PACRG: variants seen among roughly 807,000 people sequenced by gnomAD.
PACRG encodes parkin coregulated gene protein.
A neutral mutation model predicts 29.7 loss-of-function variants in PACRG; 29 were observed. The observed-to-expected ratio is 0.98, with a 90% CI of 0.73 to 1.33. The LOEUF is 1.33. Ranked by LOEUF, PACRG falls within the 40% of genes most tolerant of loss-of-function variation. PACRG has a pLI of 0.00. For missense variants in PACRG, 279 were observed against 316.2 expected (o/e 0.88, Z 0.89); for synonymous variants, 116 against 118.7 (o/e 0.98, Z 0.15).
chr6:162,783,982 C>T (rs944975279), intron 1 of PACRG, among the ~76,000 whole-genome samples: 5 of 151,994 alleles, frequency 3.3e-5, no homozygotes, highest in African/African-American at 1.2e-4. Context: ...ACATTTTACT[C>T]TTATGAATTG....
chr6:162,965,481 C>T (rs972652573), intron 2 of PACRG, among the ~76,000 whole-genome samples: 15 of 152,212 alleles, frequency 9.9e-5, no homozygotes, highest in African/African-American at 3.6e-4. Flanking sequence ...TATCTGTCTT[C>T]ACATAGTAGA....
At chr6:162,824,673 T>G (rs1788128250) in intron 2 of PACRG, among the ~76,000 whole-genome samples, 1 of 152,178 alleles carries the variant, frequency 6.6e-6, no homozygotes, top group Non-Finnish European at 1.5e-5. Flanking sequence ...TGTGATCTCA[T>G]TAACAGGCTA....
chr6:163,200,503 A>T (rs765503740), intron 4 of PACRG, among the ~76,000 whole-genome samples: 1 of 152,182 alleles, frequency 6.6e-6, no homozygotes, highest in Admixed American at 6.5e-5. Flanking sequence ...CACGTGTCGC[A>T]TACTTCCCAG....
At chr6:163,017,679 GAGAC>G (rs901911681) in intron 2 of PACRG, among the ~76,000 whole-genome samples, 12 of 152,238 alleles carry the variant, frequency 7.9e-5, no homozygotes, top group East Asian at 3.9e-4. Flanking sequence ...TTGAGAGAGA[GAGAC>G]AGACAGACAG....
In PACRG at chr6:162,978,483, T is replaced by TACAC. The variant is rs34615004; in HGVS notation, c.292-83655_292-83652dup. Among the ~76,000 whole-genome samples the TACAC allele has an allele frequency of 3.2e-4, 49 of 151,130 alleles. No homozygotes were observed. In the East Asian group the frequency reaches 3.5e-3, roughly 11 times the overall value. The stretch of plus-strand genomic sequence containing the variant: ...TCTGTCTGTCTCTCTCACACACACA[T>TACAC]ACACACACACACACATTGTAGACAT... On this transcript the variant is annotated intron_variant, in intron 2 of 4. Coordinates refer to ENST00000366888, the MANE Select transcript of PACRG (RefSeq NM_001080379.2).
intron 2 of PACRG, among the ~76,000 whole-genome samples, chr6:162,915,518 T>A (rs1029580773): frequency 6.6e-6 from 1 of 152,094 alleles, no homozygotes; most frequent in Non-Finnish European, 1.5e-5. Flanking sequence ...TATTAATACC[T>A]ATTGTGATAT....
At chr6:162,851,591 C>T (rs1790866380) in intron 2 of PACRG, among the ~76,000 whole-genome samples, 1 of 152,162 alleles carries the variant, frequency 6.6e-6, no homozygotes, top group Non-Finnish European at 1.5e-5. Flanking sequence ...ATCTGATTCT[C>T]ACCATCAGTC....
chr6:162,763,710 G>A (rs1411220687), intron 1 of PACRG, among the ~76,000 whole-genome samples: 1 of 152,138 alleles, frequency 6.6e-6, no homozygotes, highest in African/African-American at 2.4e-5. Context: ...TGAAATAGAT[G>A]TGCACCAGAA....
In PACRG at chr6:162,793,070, C is replaced by G. The variant is rs150692882; in HGVS notation, c.157-21077C>G. ...CAAGGGCAGGTGATTTTCCTCCTGG[C>G]ACGAGAGCTCCCTTAAGACACTTTT... is the stretch of plus-strand genomic sequence containing the variant. On this transcript the variant is annotated intron_variant, in intron 1 of 4. Transcript: ENST00000366888. 2.0e-3 allele frequency among the ~76,000 whole-genome samples: 309 copies of G among 152,228 alleles called. 1 individual carries two copies. The highest frequency in any genetic ancestry group is 7.2e-3 in the African/African-American group (298 of 41,550).
rs565215413 is a variant in PACRG, at chr6:163,312,786, C to G, written c.614-2041C>G. Reference sequence around the variant, plus strand: ...TGTTTGTTTTTGAGACAGGGTCTTACTCTTTGCCCAGGCTGGAGTGCAGTG... The same window carrying G: ...TGTTTGTTTTTGAGACAGGGTCTTAGTCTTTGCCCAGGCTGGAGTGCAGTG... On this transcript the variant is annotated intron_variant, in intron 4 of 4. Transcript: ENST00000366888. 3.2e-5 allele frequency: 14 copies of G among 440,500 alleles called. No individual in the cohort carries two copies. The East Asian group carries it at 1.1e-3, about 35-fold the overall frequency. 27.3% of individuals were successfully genotyped at this position (440,500 alleles called of 1,614,324 possible).
chr6:162,855,380 C>G (rs1422125727), intron 2 of PACRG, among the ~76,000 whole-genome samples: 2 of 152,112 alleles, frequency 1.3e-5, no homozygotes, highest in Admixed American at 1.3e-4. Flanking sequence ...AATTCCTAAT[C>G]TTATAGACAC....
rs1212965456 is a variant in PACRG, at chr6:162,843,020, G to C, written c.291+28739G>C. On this transcript the variant is annotated intron_variant, in intron 2 of 4. Coordinates refer to ENST00000366888, the MANE Select transcript of PACRG (RefSeq NM_001080379.2). ...GGTAACCCGACCTTTCTCTCTGGCT[G>C]CCCTTAACATTTTTTCCTTCATTTC... 2.8e-5 allele frequency among the ~76,000 whole-genome samples: 4 copies of C among 142,578 alleles called. No homozygotes were observed. In the East Asian group the frequency reaches 8.9e-4, roughly 32 times the overall value. The allele number at this position is 142,578 out of a possible 152,430, so 93.5% of individuals were successfully genotyped here. A position where few individuals can be genotyped will look rare whatever the true frequency, so the allele number is the denominator to read the frequency against.
At chr6:163,131,177 G>T (rs1014716058) in intron 4 of PACRG, among the ~76,000 whole-genome samples, 1 of 152,016 alleles carries the variant, frequency 6.6e-6, no homozygotes, top group African/African-American at 2.4e-5. Flanking sequence ...GCGTGGTGGC[G>T]GGCGCCTGTA....
intron 4 of PACRG, among the ~76,000 whole-genome samples, chr6:163,282,116 T>C (rs1784245013): frequency 6.6e-6 from 1 of 152,174 alleles, no homozygotes; most frequent in Non-Finnish European, 1.5e-5. Flanking sequence ...ATTTGGATAA[T>C]ATTAAGACAT....
rs1776001203 is a variant in PACRG, at chr6:163,033,313, T to A, written c.292-28837T>A. Reference sequence around the variant, plus strand: ...GAAGTGCAGATAAGGTCTGACTCTCTCCAGCGTTTAACTTCACATGTCTCA... The same window carrying A: ...GAAGTGCAGATAAGGTCTGACTCTCACCAGCGTTTAACTTCACATGTCTCA... On this transcript the variant is annotated intron_variant, in intron 2 of 4. Transcript: ENST00000366888. Among the ~76,000 whole-genome samples, 6 of 152,322 alleles carry A rather than the reference T, an allele frequency of 3.9e-5. No homozygotes were observed. The South Asian group carries it at 1.2e-3, about 32-fold the overall frequency.
At chr6:162,877,427 G>A (rs1466784035) in intron 2 of PACRG, among the ~76,000 whole-genome samples, 2 of 151,962 alleles carry the variant, frequency 1.3e-5, no homozygotes, top group African/African-American at 4.8e-5. Context: ...ACACACCAGG[G>A]CCTGTTGGGA....
chr6:163,143,649 CT>C (rs1380509541), intron 4 of PACRG, among the ~76,000 whole-genome samples: 1 of 152,012 alleles, frequency 6.6e-6, no homozygotes, highest in Non-Finnish European at 1.5e-5. Context: ...CACAATAATA[CT>C]TTTTTTGATA....
chr6:162,963,220 GT>G (rs1800773671), intron 2 of PACRG, among the ~76,000 whole-genome samples: 3 of 152,198 alleles, frequency 2.0e-5, no homozygotes, highest in African/African-American at 7.2e-5. Flanking sequence ...GATTTCCTTT[GT>G]TTAAGGAATG....
chr6:162,817,316 T>C (rs1008148538), intron 2 of PACRG, among the ~76,000 whole-genome samples: 2 of 152,234 alleles, frequency 1.3e-5, no homozygotes, highest in African/African-American at 4.8e-5. Context: ...AGGCACTCTA[T>C]GGTAACATCA....
Sources: allele counts gnomAD v4.1 joint callset (sites outside exome capture counted in the v4.1 genomes callset), GRCh38; gene constraint gnomAD v4.1.1; transcripts MANE v1.5; gene names NCBI Gene and HGNC (gene_info 2026-07-23, HGNC 2026-07-21).